Variants in DSP observed in about 807,000 individuals in gnomAD.
The protein encoded by DSP is 250/210 kDa paraneoplastic pemphigus antigen.
Under a neutral mutation model 290.6 loss-of-function variants are expected in DSP, and 114 were observed. The observed-to-expected ratio is 0.39, with a 90% CI of 0.34 to 0.46. DSP has a LOEUF of 0.46. DSP is among the 20% of genes least tolerant of loss of function. The probability of loss-of-function intolerance (pLI) is 0.99; values close to 1 mark genes in which losing one functional copy is unlikely to be tolerated. For synonymous variants in DSP, 1,311 were observed against 1,316.4 expected (o/e 1.00, Z 0.09); for missense variants, 3,230 against 3,495.8 (o/e 0.92, Z 1.92).
chr6:7,582,687 G>C lies in DSP; in HGVS notation c.5425G>C (p.Val1809Leu). 6.2e-7 allele frequency: 1 copy of C among 1,613,806 alleles called. No individual in the cohort carries two copies. The highest frequency in any genetic ancestry group is 1.1e-5 in the South Asian group (1 of 91,018). The change falls in exon 24 of 24, where the codon GTA (valine) becomes CTA (leucine). Residue 1809 changes from valine to leucine, a missense_variant. Val to Leu is a conservative substitution (Grantham distance 32). This residue lies in a region of DSP where 1,714 missense variants were observed against 1,844.5 expected (regional missense o/e 0.93). Coordinates refer to ENST00000379802, the MANE Select transcript of DSP (RefSeq NM_004415.4). The surrounding 1 kb of genome is among the most constrained non-coding windows in gnomAD (Gnocchi z 4.2). ...QESKNQCTQV[V>L]QERESLLVKI... ...ATCAAAGAATCAGTGTACTCAGGTG[G>C]TACAGGAAAGAGAGAGCCTTCTGGT...
Position 7,579,451 on chromosome 6 carries a change from G to C in DSP, c.3261G>C (p.Glu1087Asp). 1.9e-6 allele frequency: 3 copies of C among 1,614,168 alleles called. No homozygotes were observed. The highest frequency in any genetic ancestry group is 2.5e-6 in the Non-Finnish European group (3 of 1,180,036). ...ASLEELKRQA[E>D]LDGKSAKQNL... Reference sequence around the variant, plus strand: ...TGGAGGAGCTGAAGAGACAGGCTGAGCTGGATGGGAAGTCGGCTAAGCAAA... The same window carrying C: ...TGGAGGAGCTGAAGAGACAGGCTGACCTGGATGGGAAGTCGGCTAAGCAAA... The change falls in exon 23 of 24, where the codon GAG (glutamate) becomes GAC (aspartate). Residue 1087 changes from glutamate to aspartate, a missense_variant. By Grantham distance (45) the Glu-to-Asp change is conservative (BLOSUM62 2). Transcript: ENST00000379802. The surrounding 1 kb of genome is among the most constrained non-coding windows in gnomAD (Gnocchi z 4.1).
chr6:7,585,519 A>G lies in DSP; in HGVS notation c.8257A>G (p.Lys2753Glu). Residue 2753 changes from lysine (K) to glutamate (E), a missense_variant, in exon 24 of 24, where the codon AAG becomes GAG. Coordinates refer to ENST00000379802, the MANE Select transcript of DSP (RefSeq NM_004415.4). ...GRISTEEAIR[K>E]GFIDGRAAQR... ...GATAAGCACCGAAGAAGCCATCCGG[A>G]AGGGGTTCATAGATGGCCGCGCCGC... The G allele has an allele frequency of 6.2e-7, 1 of 1,614,176 alleles. No homozygotes were observed. The highest frequency in any genetic ancestry group is 8.5e-7 in the Non-Finnish European group (1 of 1,180,040).
intron 4 of DSP, among the ~76,000 whole-genome samples, chr6:7,561,896 A>G (rs1451688898): frequency 6.6e-6 from 1 of 152,208 alleles, no homozygotes; most frequent in Non-Finnish European, 1.5e-5. Flanking sequence ...AGGGTGAGAT[A>G]ATGGACTTGC....
At chr6:7,571,336 G>A (rs927353120) in intron 13 of DSP, 47 bp from the exon 14 acceptor site, 1 of 1,609,584 alleles carries the variant, frequency 6.2e-7, no homozygotes, top group Admixed American at 1.7e-5. Flanking sequence ...TGATTGCATT[G>A]TGGGGCAGTC....
At chr6:7,549,463 G>C (rs1758270106) in intron 1 of DSP, among the ~76,000 whole-genome samples, 1 of 152,100 alleles carries the variant, frequency 6.6e-6, no homozygotes, top group South Asian at 2.1e-4. Context: ...AATCTTAGAG[G>C]TAAAGTATCA....
chr6:7,549,330 G>A (rs1307071480), intron 1 of DSP, among the ~76,000 whole-genome samples: 1 of 152,042 alleles, frequency 6.6e-6, no homozygotes, highest in African/African-American at 2.4e-5. Context: ...TGTATTTTTA[G>A]TAGAGACGGG....
chr6:7,550,757 T>C (rs1384852365), intron 1 of DSP, among the ~76,000 whole-genome samples: 3 of 152,068 alleles, frequency 2.0e-5, no homozygotes, highest in Non-Finnish European at 4.4e-5. Context: ...GTCAATATTC[T>C]TTTGATAAAT....
Position 7,571,586 on chromosome 6 carries a change from TC to T in DSP, c.1903+3del, listed in dbSNP as rs1064793548. On this transcript the variant is annotated splice_donor_region_variant and intron_variant, in intron 14 of 23. Transcript: ENST00000379802. ...CTGGCTATCCCCAGCACCAGACAGG[TC>T]GGCTTGGGACATCTTTCTCTTTGTA... 4 of 1,614,090 alleles carry T rather than the reference TC, an allele frequency of 2.5e-6. No homozygotes were observed. In the South Asian group the frequency reaches 4.4e-5, roughly 18 times the overall value.
In DSP at chr6:7,541,901, C is replaced by G. The variant is rs780759932; in HGVS notation, c.-15C>G. 4 of 1,602,624 alleles carry G rather than the reference C, an allele frequency of 2.5e-6. No homozygotes were observed. Among genetic ancestry groups the G allele is most frequent in the Non-Finnish European group, 3.4e-6 (4 of 1,176,812 alleles). The stretch of plus-strand genomic sequence containing the variant: ...ATGCCTCGGCGCTGAGCCGCTCTCC[C>G]GATTGCCCGCCGACATGAGCTGCAA... On this transcript the variant is annotated 5_prime_UTR_variant, in exon 1 of 24. Coordinates refer to ENST00000379802, the MANE Select transcript of DSP (RefSeq NM_004415.4).
rs79819137 is a variant in DSP at position 7,568,365 on chromosome 6, A to G, written c.1267-72A>G. On this transcript the variant is annotated intron_variant, in intron 10 of 23. Transcript: ENST00000379802. ...CTCAGTGTGTCATGTAGCTACATTAATGCAGGTTGAAAATCTCCTCTAAAA... is the reference window on the plus strand; with the variant it reads ...CTCAGTGTGTCATGTAGCTACATTAGTGCAGGTTGAAAATCTCCTCTAAAA... The G allele has an allele frequency of 9.8e-4, 1,494 of 1,531,098 alleles. 19 individuals carry two copies. The African/African-American group carries it at 0.018, about 18-fold the overall frequency. The allele number at this position is 1,531,098 out of a possible 1,614,324, so 94.8% of individuals were successfully genotyped here. A position where few individuals can be genotyped will look rare whatever the true frequency, so the allele number is the denominator to read the frequency against.
chr6:7,571,176 CAAAAAAA>C (rs200091877), intron 13 of DSP, among the ~76,000 whole-genome samples, 200 bp from the exon 14 acceptor site: 2 of 74,566 alleles, frequency 2.7e-5, no homozygotes, highest in East Asian at 6.7e-4. Flanking sequence ...ATTCTGTAGG[CAAAAAAA>C]AAAAAAAAAA....
At chr6:7,571,628 A>G in intron 14 of DSP, 44 bp downstream of exon 14, 1 of 1,611,694 alleles carries the variant, frequency 6.2e-7, no homozygotes, top group Non-Finnish European at 8.5e-7. Context: ...CATCCATACC[A>G]TTTTAAAAAG....
In DSP at chr6:7,575,520, C is replaced by T. The variant is rs539786644; in HGVS notation, c.2630+32C>T. The T allele has an allele frequency of 1.2e-4, 193 of 1,612,674 alleles. 2 individuals carry two copies. The South Asian group carries it at 2.0e-3, about 17-fold the overall frequency. ...CAGCCTCCTCCCGCTCCTTCCCCAT[C>T]TTCTCCCCTTTTGGTTGTTCACAAG... On this transcript the variant is annotated intron_variant, in intron 18 of 23. Transcript: ENST00000379802.
At chr6:7,554,389 C>T (rs1172390057) in intron 1 of DSP, among the ~76,000 whole-genome samples, 3 of 152,164 alleles carry the variant, frequency 2.0e-5, no homozygotes, top group African/African-American at 7.2e-5. Context: ...CTTTAAGATA[C>T]AGACCATCTG....
Position 7,569,300 on chromosome 6 carries a change from A to G in DSP, c.1534A>G (p.Ile512Val), listed in dbSNP as rs202025438. ...DMLVPSVGLI[I>V]PPPNPLAVDL... ...GCTTGTTCCCTCTGTGGGGCTGATC[A>G]TCCCTCCTCCGAACCCACTGGCCGT... The change falls in exon 12 of 24, where the codon ATC (isoleucine) becomes GTC (valine). Residue 512 changes from isoleucine to valine, a missense_variant. Ile to Val is a conservative substitution (Grantham distance 29). Coordinates refer to ENST00000379802, the MANE Select transcript of DSP (RefSeq NM_004415.4). The G allele has an allele frequency of 2.0e-5, 32 of 1,614,008 alleles. No homozygotes were observed. In the African/African-American group the frequency reaches 3.7e-4, roughly 19 times the overall value.
Position 7,563,787 on chromosome 6 carries a change from G to A in DSP, c.777+1G>A. On this transcript the variant is annotated splice_donor_variant, in intron 6 of 23. Transcript: ENST00000379802. LOFTEE classifies it high-confidence loss of function. ...GGAGGAGGAGTATGAAAACCTGCTG[G>A]TAAGCTGATTTATTTCTCAAGTGCA... The A allele has an allele frequency of 6.2e-7, 1 of 1,613,290 alleles. No homozygotes were observed. The highest frequency in any genetic ancestry group is 8.5e-7 in the Non-Finnish European group (1 of 1,179,232).
chr6:7,571,602 TTC>T lies in DSP; in HGVS notation c.1903+22_1903+23del, dbSNP rs759716478. 1.2e-6 allele frequency: 2 copies of T among 1,613,828 alleles called. No individual in the cohort carries two copies. Among genetic ancestry groups the T allele is most frequent in the Non-Finnish European group, 1.7e-6 (2 of 1,179,866 alleles). On this transcript the variant is annotated intron_variant, in intron 14 of 23. Coordinates refer to ENST00000379802, the MANE Select transcript of DSP (RefSeq NM_004415.4). Reference sequence around the variant, plus strand: ...CCAGACAGGTCGGCTTGGGACATCTTTCTCTTTGTATCAACCATCCATACCAT... The same window carrying T: ...CCAGACAGGTCGGCTTGGGACATCTTTCTTTGTATCAACCATCCATACCAT...
At chr6:7,569,149 T>C (rs371318677) in intron 11 of DSP, 37 bp from the exon 12 acceptor site, 9 of 1,613,928 alleles carry the variant, frequency 5.6e-6, no homozygotes, top group African/African-American at 4.0e-5. Context: ...CACATACTTA[T>C]GAATAAAGCC....
chr6:7,583,717 G>T lies in DSP; in HGVS notation c.6455G>T (p.Gly2152Val), dbSNP rs1040120840. ...CCAAAAGATGTCGCCTTGGCCCGGGGGCTGATTGATAGAGATTTGTATCGA... is the reference window on the plus strand; with the variant it reads ...CCAAAAGATGTCGCCTTGGCCCGGGTGCTGATTGATAGAGATTTGTATCGA... ...FLPKDVALAR[G>V]LIDRDLYRSL... The change falls in exon 24 of 24, where the codon GGG (glycine) becomes GTG (valine). Residue 2152 changes from glycine (G) to valine (V), a missense_variant. Around this residue, in one of 5 missense-constraint regions of DSP, gnomAD observed 1,714 missense variants for 1,844.5 expected, o/e 0.93. Transcript: ENST00000379802. The surrounding 1 kb of genome is among the most constrained non-coding windows in gnomAD (Gnocchi z 4.0). 4.3e-6 allele frequency: 7 copies of T among 1,613,950 alleles called. No homozygotes were observed. Among genetic ancestry groups the T allele is most frequent in the Admixed American group, 3.3e-5 (2 of 59,982 alleles).
Sources: allele counts gnomAD v4.1 joint callset (sites outside exome capture counted in the v4.1 genomes callset), GRCh38; gene constraint gnomAD v4.1.1; regional missense constraint gnomAD v4.1.1; non-coding constraint Gnocchi (gnomAD v3.1); transcripts MANE v1.5; gene names NCBI Gene and HGNC (gene_info 2026-07-23, HGNC 2026-07-21).